NAA20: variants seen among roughly 807,000 people sequenced by gnomAD.
NAA20 encodes the protein N-alpha-acetyltransferase 20.
In NAA20, 24 loss-of-function variants were observed where a neutral mutation model predicts 23.8. That is an observed-to-expected ratio of 1.01 (90% CI 0.73 to 1.42). The LOEUF (loss-of-function observed/expected upper bound fraction) is 1.42. NAA20 is among the 40% of genes most tolerant of loss of function. The pLI is 0.00. For synonymous variants in NAA20, 83 were observed against 77.7 expected, an observed-to-expected ratio of 1.07 and a Z score of -0.36; for missense variants, 166 against 223.1, an observed-to-expected ratio of 0.74 and a Z score of 1.63.
At chr20:20,025,612 CA>C in intron 2 of NAA20, 64 bp from the exon 3 acceptor site, 1 of 1,210,530 alleles carries the variant, frequency 8.3e-7, no homozygotes, top group Non-Finnish European at 1.2e-6. Flanking sequence ...ACTTTTTTTA[CA>C]ATATCCCTTA....
chr20:20,017,956 C>G, intron 1 of NAA20: 1 of 1,613,584 alleles, frequency 6.2e-7, no homozygotes. Context: ...CATCGTGAAG[C>G]CCACCTGGTG....
At chr20:20,027,667 C>T (rs760559838) in intron 4 of NAA20, among the ~76,000 whole-genome samples, 25 of 151,980 alleles carry the variant, frequency 1.6e-4, no homozygotes, top group Non-Finnish European at 3.7e-4. Flanking sequence ...TTTCCCTGAA[C>T]ATTCGAAATA....
chr20:20,022,545 TGAAAG>T (rs970142720), intron 2 of NAA20, 65 bp downstream of exon 2: 22 of 1,414,918 alleles, frequency 1.6e-5, no homozygotes, highest in Admixed American at 2.3e-5. Flanking sequence ...AAAACAGAAA[TGAAAG>T]GAAAACAGAG....
chr20:20,023,833 G>C (rs2146462845), intron 2 of NAA20, among the ~76,000 whole-genome samples: 1 of 152,268 alleles, frequency 6.6e-6, no homozygotes, highest in South Asian at 2.1e-4. Context: ...TGAGGTGAGA[G>C]GAACATTCTC....
intron 4 of NAA20, among the ~76,000 whole-genome samples, chr20:20,027,252 A>G (rs2043312748): frequency 6.6e-6 from 1 of 152,240 alleles, no homozygotes; most frequent in African/African-American, 2.4e-5. Flanking sequence ...TTGCTTTGGC[A>G]TCTGAATAAA....
chr20:20,030,633 G>A (rs984740345), intron 4 of NAA20, among the ~76,000 whole-genome samples: 5 of 151,852 alleles, frequency 3.3e-5, no homozygotes, highest in African/African-American at 1.2e-4. Flanking sequence ...AAATCCATAA[G>A]AATATAAATA....
At chr20:20,025,568 T>A in intron 2 of NAA20, 109 bp from the exon 3 acceptor site, 1 of 760,980 alleles carries the variant, frequency 1.3e-6, no homozygotes, top group Non-Finnish European at 2.3e-6. Flanking sequence ...CATACAGAGC[T>A]GGGGATAAAG....
At chr20:20,017,585 G>A in intron 1 of NAA20, 136 bp downstream of exon 1, 1 of 1,332,306 alleles carries the variant, frequency 7.5e-7, no homozygotes, top group Non-Finnish European at 9.9e-7. Flanking sequence ...CCCCCCGCCG[G>A]CCAACGTGGG....
chr20:20,023,719 G>C (rs963157629), intron 2 of NAA20, among the ~76,000 whole-genome samples: 1 of 152,186 alleles, frequency 6.6e-6, no homozygotes, highest in African/African-American at 2.4e-5. Context: ...TAAGAGTTCA[G>C]TCTCATCAGT....
chr20:20,032,936 G>C (rs150406797), intron 5 of NAA20, among the ~76,000 whole-genome samples, 166 bp from the exon 6 acceptor site: 40 of 152,290 alleles, frequency 2.6e-4, no homozygotes, highest in African/African-American at 9.6e-4. Flanking sequence ...GGTCTGGTTA[G>C]CATCTGGTAC....
chr20:20,021,408 C>G lies in NAA20; in HGVS notation c.54-1048C>G, dbSNP rs1422542861. Among the ~76,000 whole-genome samples the G allele has an allele frequency of 3.3e-5, 5 of 152,272 alleles. No homozygotes were observed. In the East Asian group the frequency reaches 9.7e-4, roughly 29 times the overall value. ...GCAAGCATAACAAATGCTTGAGAAT[C>G]CCGTTGTCTTTTAAGCAGGACGTTG... On this transcript the variant is annotated intron_variant, in intron 1 of 5. Coordinates refer to ENST00000334982, the MANE Select transcript of NAA20 (RefSeq NM_016100.5).
At chr20:20,022,894 A>G (rs1601125502) in intron 2 of NAA20, among the ~76,000 whole-genome samples, 2 of 151,944 alleles carry the variant, frequency 1.3e-5, no homozygotes, top group Non-Finnish European at 2.9e-5. Flanking sequence ...TAAGCACTCT[A>G]CCCCTCCCAG....
At chr20:20,018,950 CA>C (rs2043250263) in intron 1 of NAA20, 1 of 984,896 alleles carries the variant, frequency 1.0e-6, no homozygotes, top group African/African-American at 1.7e-5. Flanking sequence ...TGCCTGTGGT[CA>C]GGGGACCATG....
intron 1 of NAA20, among the ~76,000 whole-genome samples, chr20:20,019,171 T>G (rs1568744475): frequency 1.3e-5 from 2 of 152,212 alleles, no homozygotes; most frequent in Non-Finnish European, 2.9e-5. Flanking sequence ...CTAGGATTGA[T>G]AGGTGGGCAG....
At chr20:20,018,069 A>T in intron 1 of NAA20, 2 of 1,614,144 alleles carry the variant, frequency 1.2e-6, no homozygotes, top group Non-Finnish European at 1.7e-6. Context: ...TAGTTACTGT[A>T]GCTGCGCACC....
At chr20:20,031,984 AGTGAGACTCCTAGCTATAGACCTTAC>A in intron 4 of NAA20, among the ~76,000 whole-genome samples, 2 of 152,352 alleles carry the variant, frequency 1.3e-5, no homozygotes, top group East Asian at 3.9e-4. Context: ...GTGACACAAC[AGTGAGACTCCTAGCTATAGACCTTAC>A]GTGAGACACT....
intron 4 of NAA20, among the ~76,000 whole-genome samples, chr20:20,028,802 T>G (rs1335760100): frequency 6.6e-6 from 1 of 151,992 alleles, no homozygotes; most frequent in Non-Finnish European, 1.5e-5. Context: ...ATGATAGAAG[T>G]CAACTCCAAA....
intron 4 of NAA20, among the ~76,000 whole-genome samples, chr20:20,032,182 G>C (rs1219830070): frequency 6.6e-6 from 1 of 151,916 alleles, no homozygotes; most frequent in African/African-American, 2.4e-5. Flanking sequence ...ATGATTCCAT[G>C]TATATAAACT....
In NAA20 at chr20:20,033,349, C is replaced by T. The variant is rs1421438571; in HGVS notation, c.*162C>T. 9 of 594,730 alleles carry T rather than the reference C, an allele frequency of 1.5e-5. No homozygotes were observed. Among genetic ancestry groups the T allele is most frequent in the Non-Finnish European group, 2.3e-5 (8 of 347,648 alleles). The allele number at this position is 594,730 out of a possible 1,614,324, so 36.8% of individuals were successfully genotyped here. On this transcript the variant is annotated 3_prime_UTR_variant, in exon 6 of 6. Transcript: ENST00000334982. ...AATTTATTTTAAATCTCATTGTTTC[C>T]AGTTAGCAATATCATACCTATTAAA...
Sources: allele counts gnomAD v4.1 joint callset (sites outside exome capture counted in the v4.1 genomes callset), GRCh38; gene constraint gnomAD v4.1.1; transcripts MANE v1.5; gene names NCBI Gene and HGNC (gene_info 2026-07-23, HGNC 2026-07-21).